Variants in EFR3B observed in about 807,000 individuals in gnomAD.
EFR3B encodes protein EFR3 homolog B.
In EFR3B, 64 loss-of-function variants were observed where a neutral mutation model predicts 104.7. The observed-to-expected ratio is 0.61, with a 90% CI of 0.50 to 0.75. The LOEUF (loss-of-function observed/expected upper bound fraction) is 0.75. Among genes scored for constraint, EFR3B ranks in the 30% least tolerant of loss-of-function variants. The probability of loss-of-function intolerance (pLI) is 0.00; values close to 1 mark genes in which losing one functional copy is unlikely to be tolerated. For synonymous variants in EFR3B, 385 were observed against 417.9 expected, an observed-to-expected ratio of 0.92 and a Z score of 0.96; for missense variants, 750 against 1,078.5, an observed-to-expected ratio of 0.70 and a Z score of 4.27.
At chr2:25,096,691 T>A (rs1283379888) in intron 3 of EFR3B, among the ~76,000 whole-genome samples, 1 of 152,134 alleles carries the variant, frequency 6.6e-6, no homozygotes, top group Non-Finnish European at 1.5e-5. Flanking sequence ...CACTTTGACC[T>A]CTTTGATAGG....
chr2:25,109,401 C>T (rs1284054659), intron 4 of EFR3B, among the ~76,000 whole-genome samples: 3 of 152,178 alleles, frequency 2.0e-5, no homozygotes, highest in East Asian at 3.8e-4. Flanking sequence ...GTGTGGAAAC[C>T]GGAACCATCA....
Position 25,117,138 on chromosome 2 carries a change from C to T in EFR3B, c.364-4535C>T, listed in dbSNP as rs115827234. On this transcript the variant is annotated intron_variant, in intron 4 of 22. Coordinates refer to ENST00000403714, the MANE Select transcript of EFR3B (RefSeq NM_014971.2). ...TTCCACCAGGATCAGGAATGGGTTCCAAGGGGCATGGGTGTAGGGAGGCGA... is the reference window on the plus strand; with the variant it reads ...TTCCACCAGGATCAGGAATGGGTTCTAAGGGGCATGGGTGTAGGGAGGCGA... Among the ~76,000 whole-genome samples, 905 of 152,136 alleles carry T rather than the reference C, an allele frequency of 5.9e-3. 10 individuals are homozygous for T. Among genetic ancestry groups the T allele is most frequent in the African/African-American group, 0.021 (868 of 41,500 alleles).
At chr2:25,074,501 G>A (rs1216129353) in intron 1 of EFR3B, among the ~76,000 whole-genome samples, 1 of 151,552 alleles carries the variant, frequency 6.6e-6, no homozygotes, top group Non-Finnish European at 1.5e-5. Flanking sequence ...GGAGGCAGAG[G>A]TTGCAGTGAG....
chr2:25,124,457 T>G (rs1197568062), intron 5 of EFR3B, among the ~76,000 whole-genome samples: 1 of 152,034 alleles, frequency 6.6e-6, no homozygotes, highest in Non-Finnish European at 1.5e-5. Flanking sequence ...CCGGGCGCAG[T>G]GGCTCACGCC....
At position 25,132,762 on chromosome 2, in the gene EFR3B, C is replaced by T. The variant is rs1483708146; in HGVS notation, c.1148-141C>T. On this transcript the variant is annotated intron_variant, in intron 10 of 22. Coordinates refer to ENST00000403714, the MANE Select transcript of EFR3B (RefSeq NM_014971.2). ...TTTCCTGGAGAGGCCGAATCACACC[C>T]GGGCTATCCTGAATCCCTTTCTCTG... is the stretch of plus-strand genomic sequence containing the variant. 6.1e-5 allele frequency: 42 copies of T among 685,210 alleles called. No individual in the cohort carries two copies. In the South Asian group the frequency reaches 6.9e-4, roughly 11 times the overall value. 42.4% of individuals were successfully genotyped at this position (685,210 alleles called of 1,614,324 possible). A position where few individuals can be genotyped will look rare whatever the true frequency, so the allele number is the denominator to read the frequency against.
chr2:25,134,675 G>A (rs1469966479), intron 12 of EFR3B, among the ~76,000 whole-genome samples: 2 of 151,812 alleles, frequency 1.3e-5, no homozygotes, highest in Non-Finnish European at 2.9e-5. Context: ...ACTCTTCATG[G>A]CACTAGATTT....
At chr2:25,046,933 G>A (rs936423999) in intron 1 of EFR3B, among the ~76,000 whole-genome samples, 7 of 152,120 alleles carry the variant, frequency 4.6e-5, no homozygotes, top group South Asian at 2.1e-4. Context: ...GGTTTCTGCA[G>A]CCCCATGATC....
chr2:25,064,204 G>A (rs573056523), intron 1 of EFR3B, among the ~76,000 whole-genome samples: 24 of 152,358 alleles, frequency 1.6e-4, no homozygotes, highest in Admixed American at 2.6e-4. Context: ...CCTGTCTTGT[G>A]TTCTGGCACT....
In EFR3B at chr2:25,115,644, G is replaced by A. The variant is rs536102108; in HGVS notation, c.364-6029G>A. 1.1e-4 allele frequency among the ~76,000 whole-genome samples: 17 copies of A among 152,326 alleles called. No homozygotes were observed. In the South Asian group the frequency reaches 3.5e-3, roughly 32 times the overall value. On this transcript the variant is annotated intron_variant, in intron 4 of 22. Transcript: ENST00000403714. Reference sequence around the variant, plus strand: ...ATTAAATTAAGGACTAACTTAATTTGAGATTGGGAGATTATCTTGGATTTT... The same window carrying A: ...ATTAAATTAAGGACTAACTTAATTTAAGATTGGGAGATTATCTTGGATTTT...
At chr2:25,142,944 TAA>T (rs767559729) in intron 17 of EFR3B, among the ~76,000 whole-genome samples, 24 of 109,264 alleles carry the variant, frequency 2.2e-4, no homozygotes, top group Middle Eastern at 5.1e-3. Context: ...ACCCTGTCTT[TAA>T]AAAAAAAAAA....
intron 1 of EFR3B, chr2:25,058,432 G>T (rs1345047705): frequency 1.3e-5 from 2 of 152,076 alleles, no homozygotes; most frequent in African/African-American, 4.8e-5. Flanking sequence ...CTTCACACCC[G>T]TTAGGATGGC....
intron 4 of EFR3B, among the ~76,000 whole-genome samples, chr2:25,110,135 C>T (rs1410395938): frequency 1.3e-5 from 2 of 152,128 alleles, no homozygotes; most frequent in Non-Finnish European, 2.9e-5. Context: ...GATCTCACCT[C>T]CCTGGGTCTC....
At chr2:25,065,346 A>ATTTTTTTTT (rs749717958) in intron 1 of EFR3B, among the ~76,000 whole-genome samples, 2 of 93,360 alleles carry the variant, frequency 2.1e-5, no homozygotes, top group African/African-American at 8.6e-5. Context: ...ACACCCAGCT[A>ATTTTTTTTT]TTTTTTTTTT....
At chr2:25,095,870 C>T (rs1173690210) in intron 3 of EFR3B, among the ~76,000 whole-genome samples, 4 of 152,066 alleles carry the variant, frequency 2.6e-5, no homozygotes, top group South Asian at 2.1e-4. Context: ...CTGCAGAGCA[C>T]GTTGTGTTTG....
intron 18 of EFR3B, 43 bp from the exon 19 acceptor site, chr2:25,144,917 C>T: frequency 1.3e-6 from 2 of 1,534,742 alleles, no homozygotes; most frequent in Non-Finnish European, 1.8e-6. Context: ...TCCTGGATCT[C>T]TGAGGGCTGG....
chr2:25,105,536 T>G (rs1467338001), intron 4 of EFR3B, among the ~76,000 whole-genome samples: 1 of 152,238 alleles, frequency 6.6e-6, no homozygotes, highest in Non-Finnish European at 1.5e-5. Context: ...CTTCCAACTT[T>G]CCTTCCAAGG....
In EFR3B at chr2:25,143,729, T is replaced by C. The variant is rs1670739087; in HGVS notation, c.1923-6T>C. ...TAACGAACTTTCTCCCTCCTTCATC[T>C]TCCAGGCTGTCTCAGAATCTTGATG... On this transcript the variant is annotated splice_polypyrimidine_tract_variant and splice_region_variant and intron_variant, in intron 17 of 22. Coordinates refer to ENST00000403714, the MANE Select transcript of EFR3B (RefSeq NM_014971.2). The C allele has an allele frequency of 9.7e-6, 15 of 1,551,496 alleles. No individual in the cohort carries two copies. Among genetic ancestry groups the C allele is most frequent in the Non-Finnish European group, 1.3e-5 (15 of 1,146,898 alleles).
chr2:25,067,484 G>C (rs1668371444), intron 1 of EFR3B, among the ~76,000 whole-genome samples: 1 of 151,394 alleles, frequency 6.6e-6, no homozygotes, highest in African/African-American at 2.4e-5. Flanking sequence ...GCCCAGGCTG[G>C]AGTGCAGTGG....
intron 6 of EFR3B, 28 bp from the exon 7 acceptor site, chr2:25,129,947 C>A (rs201078676): frequency 7.2e-5 from 112 of 1,550,178 alleles, no homozygotes; most frequent in Non-Finnish European, 9.2e-5. Flanking sequence ...GCATGCCACC[C>A]TCTACCCATG....
Sources: allele counts gnomAD v4.1 joint callset (sites outside exome capture counted in the v4.1 genomes callset), GRCh38; gene constraint gnomAD v4.1.1; transcripts MANE v1.5; gene names NCBI Gene and HGNC (gene_info 2026-07-23, HGNC 2026-07-21).